The following SIDT1 variants were observed in gnomAD, a reference collection of about 807,000 sequenced individuals.
SIDT1 encodes SID1 transmembrane family, member 1.
Under a neutral mutation model 107.5 loss-of-function variants are expected in SIDT1, and 101 were observed. The ratio of observed to expected loss-of-function variants is 0.94; its 90% CI spans 0.80 to 1.11. The LOEUF is 1.11. SIDT1 is among the 50% of genes least tolerant of loss of function. The probability of loss-of-function intolerance (pLI) is 0.00; values close to 1 mark genes in which losing one functional copy is unlikely to be tolerated. For synonymous variants in SIDT1, 395 were observed against 398.2 expected, an observed-to-expected ratio of 0.99 and a Z score of 0.10; for missense variants, 1,076 against 1,058.2, an observed-to-expected ratio of 1.02 and a Z score of -0.23.
At chr3:113,562,985 G>A (rs114302301) in intron 1 of SIDT1, among the ~76,000 whole-genome samples, 1,955 of 152,310 alleles carry the variant, frequency 0.013, 17 homozygotes, top group South Asian at 0.051. Context: ...CAGCACACCC[G>A]CAAAAGGGAG....
In SIDT1 at chr3:113,616,118, G is replaced by T. The variant is rs376051655; in HGVS notation, c.1985G>T (p.Arg662Leu). 1 of 1,613,662 alleles carries T rather than the reference G, an allele frequency of 6.2e-7. No individual in the cohort carries two copies. Among genetic ancestry groups the T allele is most frequent in the African/African-American group, 1.3e-5 (1 of 74,840 alleles). The change falls in exon 20 of 25, where the codon CGG (arginine) becomes CTG (leucine). Residue 662 changes from arginine (R) to leucine (L), a missense_variant. Transcript: ENST00000264852. ...TCAGCAGATTTGGGAATTTTCCGGCGGGCTGCCATGGTGTTCTACACAGAC... is the reference window on the plus strand; with the variant it reads ...TCAGCAGATTTGGGAATTTTCCGGCTGGCTGCCATGGTGTTCTACACAGAC... ...RFKIDLGIFR[R>L]AAMVFYTDCI...
intron 1 of SIDT1, among the ~76,000 whole-genome samples, chr3:113,561,443 A>C (rs912361149): frequency 6.6e-6 from 1 of 152,234 alleles, no homozygotes; most frequent in Non-Finnish European, 1.5e-5. Context: ...TAAAATGAGG[A>C]TGTGGAGATG....
intron 1 of SIDT1, among the ~76,000 whole-genome samples, chr3:113,543,555 C>A (rs1384437325): frequency 6.6e-6 from 1 of 152,098 alleles, no homozygotes; most frequent in Non-Finnish European, 1.5e-5. Context: ...AGTGGGGATA[C>A]CTCGTCAACT....
Position 113,613,587 on chromosome 3 carries a change from T to C in SIDT1, c.1966+1393T>C, listed in dbSNP as rs1014056895. Among the ~76,000 whole-genome samples the C allele has an allele frequency of 7.9e-5, 12 of 152,338 alleles. No individual in the cohort carries two copies. In the East Asian group the frequency reaches 2.3e-3, roughly 29 times the overall value. On this transcript the variant is annotated intron_variant, in intron 19 of 24. Transcript: ENST00000264852. Reference sequence around the variant, plus strand: ...CCAGCATACCTCCAAATCCCCCAGTTACTTGAGCCAGTTGTGTAGAACATT... The same window carrying C: ...CCAGCATACCTCCAAATCCCCCAGTCACTTGAGCCAGTTGTGTAGAACATT...
chr3:113,627,960 G>C lies in SIDT1; in HGVS notation c.*252G>C. 1 of 516,572 alleles carries C rather than the reference G, an allele frequency of 1.9e-6. No homozygotes were observed. The highest frequency in any genetic ancestry group is 3.4e-5 in the East Asian group (1 of 29,806). The allele number at this position is 516,572 out of a possible 1,614,324, so 32.0% of individuals were successfully genotyped here. The stretch of plus-strand genomic sequence containing the variant: ...GAAACACTTGCTCCTTCCATCTGCA[G>C]CTTTGGGAGTGCAACAGGGATAGGC... On this transcript the variant is annotated 3_prime_UTR_variant, in exon 25 of 25. Transcript: ENST00000264852.
At position 113,627,729 on chromosome 3, in the gene SIDT1, G is replaced by C; in HGVS notation, c.*21G>C. 1 of 1,611,260 alleles carries C rather than the reference G, an allele frequency of 6.2e-7. No homozygotes were observed. The highest frequency in any genetic ancestry group is 1.1e-5 in the South Asian group (1 of 90,970). Reference sequence around the variant, plus strand: ...TCTGAACCTCCAACATTAAGAGAGGGGAGGGAGCGATCAATCTTGGTGCTG... The same window carrying C: ...TCTGAACCTCCAACATTAAGAGAGGCGAGGGAGCGATCAATCTTGGTGCTG... On this transcript the variant is annotated 3_prime_UTR_variant, in exon 25 of 25. Coordinates refer to ENST00000264852, the MANE Select transcript of SIDT1 (RefSeq NM_017699.3).
chr3:113,603,055 CCACCGGGCCAGT>C lies in SIDT1; in HGVS notation c.1171_1182del (p.Pro391_Ser394del), dbSNP rs1339150298. ...GCAGATGTCCTCCTCCGATGGTGGG[CCACCGGGCCAGT>C]CAGACACAGACAGCTCCGTGGAGGA... On this transcript the variant is annotated inframe_deletion, in exon 12 of 25. Transcript: ENST00000264852. 6.2e-7 allele frequency: 1 copy of C among 1,614,090 alleles called. No homozygotes were observed. Among genetic ancestry groups the C allele is most frequent in the South Asian group, 1.1e-5 (1 of 91,062 alleles).
At chr3:113,540,840 C>T (rs1008097402) in intron 1 of SIDT1, among the ~76,000 whole-genome samples, 10 of 152,076 alleles carry the variant, frequency 6.6e-5, no homozygotes, top group Non-Finnish European at 1.2e-4. Context: ...CCCTTAGTCT[C>T]CCCTATTTTT....
At chr3:113,554,046 C>G (rs1189860049) in intron 1 of SIDT1, among the ~76,000 whole-genome samples, 1 of 152,058 alleles carries the variant, frequency 6.6e-6, no homozygotes, top group Non-Finnish European at 1.5e-5. Flanking sequence ...GAGTGAAATT[C>G]CATCTCAAAA....
chr3:113,611,392 C>T (rs1945729618), intron 18 of SIDT1, among the ~76,000 whole-genome samples: 1 of 152,182 alleles, frequency 6.6e-6, no homozygotes, highest in African/African-American at 2.4e-5. Flanking sequence ...AGTGCAGTGG[C>T]ATGATCTCAG....
At chr3:113,636,798 C>A in the SIDT1 span, among the ~76,000 whole-genome samples, 2 of 152,140 alleles carry the variant, frequency 1.3e-5, no homozygotes, top group Non-Finnish European at 2.9e-5. Flanking sequence ...AGGAAACGGG[C>A]AAAGGAGCTG....
chr3:113,553,465 A>G (rs1213171818), intron 1 of SIDT1, among the ~76,000 whole-genome samples: 1 of 152,208 alleles, frequency 6.6e-6, no homozygotes, highest in Non-Finnish European at 1.5e-5. Context: ...TAGCTCTAGA[A>G]GATACTTGCC....
At position 113,623,722 on chromosome 3, in the gene SIDT1, A is replaced by G; in HGVS notation, c.2296A>G (p.Ser766Gly). The change falls in exon 23 of 25, where the codon AGC (serine) becomes GGC (glycine). Residue 766 changes from serine to glycine, a missense_variant. Transcript: ENST00000264852. Reference sequence around the variant, plus strand: ...CCTATATTTTTTCTTCCAGAATCTCAGCAGCTGGGAGGTAAGAGGCCAGTT... The same window carrying G: ...CCTATATTTTTTCTTCCAGAATCTCGGCAGCTGGGAGGTAAGAGGCCAGTT... ...AALYFFFQNLSSWEGTPAESR... is the reference protein window; with the variant it reads ...AALYFFFQNLGSWEGTPAESR... 1 of 1,612,758 alleles carries G rather than the reference A, an allele frequency of 6.2e-7. No individual in the cohort carries two copies. Among genetic ancestry groups the G allele is most frequent in the Non-Finnish European group, 8.5e-7 (1 of 1,178,912 alleles).
At chr3:113,611,860 T>C (rs1245017279) in intron 18 of SIDT1, among the ~76,000 whole-genome samples, 1 of 152,154 alleles carries the variant, frequency 6.6e-6, no homozygotes, top group Non-Finnish European at 1.5e-5. Flanking sequence ...ACCATTGCTA[T>C]TTGGCTGCCT....
At chr3:113,600,813 T>C (rs1401888734) in intron 10 of SIDT1, among the ~76,000 whole-genome samples, 1 of 152,222 alleles carries the variant, frequency 6.6e-6, no homozygotes, top group African/African-American at 2.4e-5. Flanking sequence ...TACATACTTA[T>C]GGGTCAGCCC....
rs1945698004 is a variant in SIDT1, at chr3:113,611,057, T to A, written c.1770T>A (p.Tyr590Ter). 1 of 1,614,114 alleles carries A rather than the reference T, an allele frequency of 6.2e-7. No homozygotes were observed. Among genetic ancestry groups the A allele is most frequent in the East Asian group, 2.2e-5 (1 of 44,878 alleles). The change falls in exon 18 of 25, where the codon TAT (tyrosine) becomes TAA (stop). Residue 590 changes from tyrosine (Y) to a stop codon, truncating the protein, a stop_gained. Transcript: ENST00000264852. LOFTEE classifies it high-confidence loss of function. ...CTGGCCTGTGCATGCTGAAGCTCTA[T>A]CAGACCCGCCACCCAGACATCAATG... is the stretch of plus-strand genomic sequence containing the variant. ...MIAGLCMLKL[Y>*]QTRHPDINAS...
chr3:113,581,612 C>T (rs1943351513), intron 6 of SIDT1, 168 bp downstream of exon 6: 3 of 598,010 alleles, frequency 5.0e-6, no homozygotes, highest in African/African-American at 3.7e-5. Flanking sequence ...GTGGCTCACA[C>T]CTGTAATCCT....
chr3:113,589,810 A>G (rs1412332694), intron 9 of SIDT1: 1 of 152,834 alleles, frequency 6.5e-6, no homozygotes, highest in Middle Eastern at 3.4e-3. Context: ...CTGGGATTAC[A>G]GGCGTGAGCC....
chr3:113,537,491 A>G (rs2399486), intron 1 of SIDT1, among the ~76,000 whole-genome samples: 20,206 of 152,268 alleles, frequency 0.13, 1,849 homozygotes, highest in African/African-American at 0.26. Context: ...TCCATGTCTC[A>G]TATAGGAATG....
Sources: gnomAD v4.1 joint callset for allele counts (sites outside exome capture counted in the v4.1 genomes callset) on GRCh38, gnomAD v4.1.1 for gene constraint, MANE v1.5 for transcripts, NCBI Gene and HGNC (gene_info 2026-07-23, HGNC 2026-07-21) for gene names.